STK3: variants seen among roughly 807,000 people sequenced by gnomAD.
STK3 encodes serine/threonine kinase 3, also known as serine/threonine-protein kinase 3.
Under a neutral mutation model 58.0 loss-of-function variants are expected in STK3, and 41 were observed. That is an observed-to-expected ratio of 0.71 (90% CI 0.55 to 0.92). The LOEUF (loss-of-function observed/expected upper bound fraction) is 0.92. STK3 is among the 40% of genes least tolerant of loss of function. The pLI is 0.00. For missense variants in STK3, 479 were observed against 602.7 expected (o/e 0.79, Z 2.15); for synonymous variants, 170 against 191.0 (o/e 0.89, Z 0.91).
intron 3 of STK3, among the ~76,000 whole-genome samples, chr8:98,414,113 A>G (rs1818088225): frequency 6.6e-6 from 1 of 152,066 alleles, no homozygotes; most frequent in Admixed American, 6.5e-5. Context: ...AAAATACAAA[A>G]ATTAGCCAGG....
intron 6 of STK3, among the ~76,000 whole-genome samples, chr8:98,612,548 C>A (rs528097497): frequency 6.6e-6 from 1 of 151,354 alleles, no homozygotes; most frequent in East Asian, 1.9e-4. Context: ...ACCCAAGGAA[C>A]ATAACTGATG....
At chr8:98,518,356 A>G (rs1825097077) in intron 10 of STK3, among the ~76,000 whole-genome samples, 1 of 152,150 alleles carries the variant, frequency 6.6e-6, no homozygotes, top group Non-Finnish European at 1.5e-5. Flanking sequence ...TTCAGAAATT[A>G]TGGAAGCCTT....
chr8:98,748,734 G>A (rs1003325170), intron 4 of STK3, among the ~76,000 whole-genome samples: 9 of 151,582 alleles, frequency 5.9e-5, no homozygotes, highest in African/African-American at 2.2e-4. Flanking sequence ...ACCATAAAAA[G>A]CTTTTATTAA....
intron 1 of STK3, among the ~76,000 whole-genome samples, chr8:98,796,569 A>G (rs1380060562): frequency 6.6e-6 from 1 of 152,202 alleles, no homozygotes; most frequent in Non-Finnish European, 1.5e-5. Context: ...GAAAGAATTT[A>G]TGACTAAAAG....
chr8:98,586,937 G>C (rs1425644792), intron 7 of STK3, among the ~76,000 whole-genome samples: 7 of 151,834 alleles, frequency 4.6e-5, no homozygotes, highest in Non-Finnish European at 5.9e-5. Context: ...TGGGATCGGT[G>C]TTGATATCCC....
chr8:98,899,474 CATTAT>C (rs1261735011), intron 1 of STK3, among the ~76,000 whole-genome samples: 1 of 152,066 alleles, frequency 6.6e-6, no homozygotes, highest in Non-Finnish European at 1.5e-5. Context: ...CTAAACAATA[CATTAT>C]ATTAATAACA....
chr8:98,413,058 G>T (rs1188125682), intron 3 of STK3: 1 of 237,110 alleles, frequency 4.2e-6, no homozygotes, highest in African/African-American at 2.3e-5. Flanking sequence ...CTGTCACCCA[G>T]GTTGGAGTGC....
intron 8 of STK3, among the ~76,000 whole-genome samples, chr8:98,573,370 A>T (rs1345158132): frequency 3.3e-5 from 5 of 152,278 alleles, no homozygotes; most frequent in Middle Eastern, 3.4e-3. Flanking sequence ...ACCTCTTCAC[A>T]GGGCAGCAGG....
chr8:98,475,953 GAGTATCACGATGTTCT>G (rs559323305), intron 10 of STK3, among the ~76,000 whole-genome samples: 210 of 152,334 alleles, frequency 1.4e-3, no homozygotes, highest in Non-Finnish European at 2.6e-3. Context: ...ACGGTAAGCA[GAGTATCACGATGTTCT>G]AGTTCACTTT....
intron 6 of STK3, among the ~76,000 whole-genome samples, chr8:98,620,490 A>G (rs1442123154): frequency 1.3e-5 from 2 of 149,368 alleles, no homozygotes; most frequent in Admixed American, 6.6e-5. Context: ...AAATAAATAA[A>G]TAAATAAATA....
At chr8:98,476,922 G>A (rs1821356142) in intron 10 of STK3, among the ~76,000 whole-genome samples, 1 of 152,144 alleles carries the variant, frequency 6.6e-6, no homozygotes, top group Non-Finnish European at 1.5e-5. Context: ...TGACTATTTT[G>A]AGTAAAAGGT....
chr8:98,447,140 T>G (rs1407872832), intron 1 of STK3, among the ~76,000 whole-genome samples: 1 of 152,122 alleles, frequency 6.6e-6, no homozygotes, highest in African/African-American at 2.4e-5. Flanking sequence ...TATTGGGTAC[T>G]AGGCTTAGTA....
intron 1 of STK3, among the ~76,000 whole-genome samples, chr8:98,793,363 C>G (rs752067829): frequency 2.0e-5 from 3 of 151,868 alleles, no homozygotes; most frequent in Non-Finnish European, 4.4e-5. Flanking sequence ...ATGGAGAAAC[C>G]CCATCTCTAC....
chr8:98,886,168 C>T (rs992966438), intron 1 of STK3, among the ~76,000 whole-genome samples: 21 of 152,124 alleles, frequency 1.4e-4, no homozygotes, highest in African/African-American at 2.4e-4. Context: ...GATAAAATTG[C>T]ACAGAACTAT....
intron 3 of STK3, among the ~76,000 whole-genome samples, chr8:98,417,698 C>G (rs781361147): frequency 6.6e-6 from 1 of 152,002 alleles, no homozygotes; most frequent in South Asian, 2.1e-4. Flanking sequence ...GATGATTAAC[C>G]TAGTTACTAG....
chr8:98,610,208 A>G (rs1817083609), intron 6 of STK3, among the ~76,000 whole-genome samples: 1 of 151,664 alleles, frequency 6.6e-6, no homozygotes, highest in African/African-American at 2.4e-5. Flanking sequence ...AAAAAAAACC[A>G]TATGATTACA....
At chr8:98,620,850 G>A (rs1421267922) in intron 6 of STK3, among the ~76,000 whole-genome samples, 1 of 150,708 alleles carries the variant, frequency 6.6e-6, no homozygotes, top group Non-Finnish European at 1.5e-5. Context: ...TGTTTTTTAA[G>A]CAACTGTAAA....
At chr8:98,572,794 G>A (rs1813067316) in intron 8 of STK3, among the ~76,000 whole-genome samples, 1 of 152,074 alleles carries the variant, frequency 6.6e-6, no homozygotes, top group Non-Finnish European at 1.5e-5. Context: ...AAAATAATCT[G>A]AAGAAAGCAT....
At chr8:98,792,073 C>T (rs1236436889) in intron 1 of STK3, among the ~76,000 whole-genome samples, 1 of 152,124 alleles carries the variant, frequency 6.6e-6, no homozygotes, top group Non-Finnish European at 1.5e-5. Context: ...TGACAAAGGA[C>T]TAATATCCAG....
Sources: gnomAD v4.1 joint callset for allele counts (sites outside exome capture counted in the v4.1 genomes callset) on GRCh38, gnomAD v4.1.1 for gene constraint, MANE v1.5 for transcripts, NCBI Gene and HGNC (gene_info 2026-07-23, HGNC 2026-07-21) for gene names.